PTPRG: variants seen among roughly 807,000 people sequenced by gnomAD.
PTPRG encodes receptor-type tyrosine-protein phosphatase gamma.
In PTPRG, 102 loss-of-function variants were observed where a neutral mutation model predicts 165.3. That is an observed-to-expected ratio of 0.62 (90% CI 0.53 to 0.73). PTPRG has a LOEUF of 0.73. Among genes scored for constraint, PTPRG ranks in the 30% least tolerant of loss-of-function variants. The pLI is 0.00. For missense variants in PTPRG, 1,866 were observed against 1,861.4 expected, an observed-to-expected ratio of 1.00 and a Z score of -0.05; for synonymous variants, 675 against 669.5, an observed-to-expected ratio of 1.01 and a Z score of -0.13.
rs76001191 is a variant in PTPRG, at chr3:62,243,837, G to C, written c.2406G>C (p.Val802=). Residue 802 remains valine, a synonymous_variant, in exon 15 of 30, where the codon GTG becomes GTC. Transcript: ENST00000474889. ...GTTTTCAGACTGCTCATTTCTATGT[G>C]GAAGACAGCAGTTCACCTCGAGTGG... ...RKCFQTAHFY[V]EDSSSPRVVP... 2,561 of 1,595,522 alleles carry C rather than the reference G, an allele frequency of 1.6e-3. 34 individuals are homozygous for C. In the African/African-American group the frequency reaches 0.029, roughly 18 times the overall value.
At chr3:61,803,505 G>GTTCATGTTGTCCATGTTGTCC (rs1575676429) in intron 2 of PTPRG, among the ~76,000 whole-genome samples, 3 of 148,112 alleles carry the variant, frequency 2.0e-5, no homozygotes, top group African/African-American at 7.6e-5. Context: ...GTCCAACATG[G>GTTCATGTTGTCCATGTTGTCC]ACAACATGTA....
chr3:61,923,942 G>A (rs754066261), intron 2 of PTPRG, among the ~76,000 whole-genome samples: 1 of 152,016 alleles, frequency 6.6e-6, no homozygotes, highest in Non-Finnish European at 1.5e-5. Flanking sequence ...GAATAACTAG[G>A]AGAAACATTC....
rs1320825006 is a variant in PTPRG at position 61,775,616 on chromosome 3, G to A, written c.190+26634G>A. On this transcript the variant is annotated intron_variant, in intron 2 of 29. Coordinates refer to ENST00000474889, the MANE Select transcript of PTPRG (RefSeq NM_002841.4). Reference sequence around the variant, plus strand: ...TCCTAGAAATAGCTTCATGTAAATAGTTTGTTTCCATGTAAAACAAACACC... The same window carrying A: ...TCCTAGAAATAGCTTCATGTAAATAATTTGTTTCCATGTAAAACAAACACC... 3.3e-5 allele frequency among the ~76,000 whole-genome samples: 5 copies of A among 152,082 alleles called. No individual in the cohort carries two copies. The East Asian group carries it at 9.6e-4, about 29-fold the overall frequency.
intron 2 of PTPRG, among the ~76,000 whole-genome samples, chr3:61,975,691 G>A (rs983717670): frequency 1.3e-5 from 2 of 150,202 alleles, no homozygotes; most frequent in African/African-American, 4.9e-5. Flanking sequence ...TGGCAACTTT[G>A]TTTGCTGTCA....
intron 2 of PTPRG, among the ~76,000 whole-genome samples, chr3:61,887,170 A>ATATATATATATATATATTTT (rs60282456): frequency 8.7e-6 from 1 of 115,534 alleles, no homozygotes; most frequent in African/African-American, 3.3e-5. Context: ...ATATATATAT[A>ATATATATATATATATATTTT]TTTTTAATGC....
At chr3:61,902,464 G>A (rs1267757100) in intron 2 of PTPRG, among the ~76,000 whole-genome samples, 6 of 152,104 alleles carry the variant, frequency 3.9e-5, no homozygotes, top group Non-Finnish European at 5.9e-5. Flanking sequence ...AATGGAAGAC[G>A]CCCTTGAATG....
rs956266464 is a variant in PTPRG, at chr3:62,245,342, G to A, written c.2467+1444G>A. On this transcript the variant is annotated intron_variant, in intron 15 of 29. Transcript: ENST00000474889. The surrounding 1 kb of genome is among the most constrained non-coding windows in gnomAD (Gnocchi z 4.2). ...ATCTACTGGATTTGCACAATAGCGTGCATATACTTTTTCCTCTTGCTTTAC... is the reference window on the plus strand; with the variant it reads ...ATCTACTGGATTTGCACAATAGCGTACATATACTTTTTCCTCTTGCTTTAC... Among the ~76,000 whole-genome samples, 5 of 152,186 alleles carry A rather than the reference G, an allele frequency of 3.3e-5. No homozygotes were observed. The highest frequency in any genetic ancestry group is 1.2e-4 in the African/African-American group (5 of 41,450).
intron 2 of PTPRG, among the ~76,000 whole-genome samples, chr3:61,944,065 G>C (rs2039695670): frequency 6.6e-6 from 1 of 152,108 alleles, no homozygotes; most frequent in African/African-American, 2.4e-5. Flanking sequence ...AGTTACATCA[G>C]GGTTTCTCAA....
intron 2 of PTPRG, among the ~76,000 whole-genome samples, chr3:61,910,810 C>T (rs370559099): frequency 2.6e-5 from 4 of 152,328 alleles, no homozygotes; most frequent in African/African-American, 9.6e-5. Flanking sequence ...GAGCAAGCCC[C>T]AGACGGTCCC....
chr3:62,033,299 T>C (rs1699828654), intron 4 of PTPRG, among the ~76,000 whole-genome samples: 2 of 152,056 alleles, frequency 1.3e-5, no homozygotes, highest in Non-Finnish European at 2.9e-5. Context: ...AGAGGAAGGC[T>C]TCTCTCTCTT....
rs887884665 is a variant in PTPRG, at chr3:62,195,940, A to T, written c.1327+770A>T. On this transcript the variant is annotated intron_variant, in intron 10 of 29. Transcript: ENST00000474889. This position sits in a 1 kb window ranked among gnomAD's most constrained non-coding sequence, Gnocchi z 4.4. Reference sequence around the variant, plus strand: ...GTAGCTGGGATTACAGGCACCTGCCACCACGCCCAGCTAATTTTTTGTATT... The same window carrying T: ...GTAGCTGGGATTACAGGCACCTGCCTCCACGCCCAGCTAATTTTTTGTATT... 6.6e-6 allele frequency among the ~76,000 whole-genome samples: 1 copy of T among 151,656 alleles called. No homozygotes were observed. The highest frequency in any genetic ancestry group is 1.5e-5 in the Non-Finnish European group (1 of 67,940).
chr3:61,935,523 G>T (rs532924195), intron 2 of PTPRG, among the ~76,000 whole-genome samples: 2 of 152,220 alleles, frequency 1.3e-5, no homozygotes, highest in South Asian at 4.1e-4. Context: ...GATGCAAAAA[G>T]AAACACTACC....
At chr3:62,038,412 T>C (rs552776474) in intron 4 of PTPRG, among the ~76,000 whole-genome samples, 102 of 152,294 alleles carry the variant, frequency 6.7e-4, no homozygotes, top group Non-Finnish European at 1.3e-3. Flanking sequence ...TTTTTATTTT[T>C]TTGGAGACAG....
intron 28 of PTPRG, among the ~76,000 whole-genome samples, chr3:62,291,102 A>G (rs559139982): frequency 6.6e-6 from 1 of 152,160 alleles, no homozygotes; most frequent in Non-Finnish European, 1.5e-5. Context: ...GGAAATATAG[A>G]TGGTCAGTAT....
chr3:62,234,180 A>T (rs1489084578), intron 14 of PTPRG, among the ~76,000 whole-genome samples: 3 of 152,216 alleles, frequency 2.0e-5, no homozygotes, highest in African/African-American at 7.2e-5. Flanking sequence ...CCTTTTACAC[A>T]GAAGCATGGT....
intron 5 of PTPRG, among the ~76,000 whole-genome samples, chr3:62,078,555 A>G (rs995724665): frequency 5.3e-5 from 8 of 151,898 alleles, no homozygotes; most frequent in African/African-American, 1.7e-4. Flanking sequence ...AGGTTCCTTC[A>G]GCATATTAAG....
At chr3:61,797,503 C>G (rs1279566515) in intron 2 of PTPRG, among the ~76,000 whole-genome samples, 3 of 152,066 alleles carry the variant, frequency 2.0e-5, no homozygotes, top group Non-Finnish European at 4.4e-5. Flanking sequence ...AAGGAAGGCT[C>G]ACAGGTGTGA....
intron 4 of PTPRG, among the ~76,000 whole-genome samples, chr3:62,020,355 A>G (rs2041661696): frequency 6.6e-6 from 1 of 152,212 alleles, no homozygotes; most frequent in Admixed American, 6.5e-5. Context: ...GTCTCATTTA[A>G]TGTCATTTCT....
chr3:61,570,287 G>A (rs763342327), intron 1 of PTPRG, among the ~76,000 whole-genome samples: 2 of 151,142 alleles, frequency 1.3e-5, no homozygotes, highest in African/African-American at 2.4e-5. Context: ...ACTGAAATCA[G>A]CATGATATTT....
Sources: allele counts gnomAD v4.1 joint callset (sites outside exome capture counted in the v4.1 genomes callset), GRCh38; gene constraint gnomAD v4.1.1; non-coding constraint Gnocchi (gnomAD v3.1); transcripts MANE v1.5; gene names NCBI Gene and HGNC (gene_info 2026-07-23, HGNC 2026-07-21).